The following CSMD1 variants were observed in gnomAD, a reference collection of about 807,000 sequenced individuals.
The protein encoded by CSMD1 is CUB and sushi domain-containing protein 1.
A neutral mutation model predicts 417.5 loss-of-function variants in CSMD1; 213 were observed. That is an observed-to-expected ratio of 0.51 (90% confidence interval 0.46 to 0.57). The LOEUF is 0.57. Among genes scored for constraint, CSMD1 ranks in the 20% least tolerant of loss-of-function variants. The pLI, the probability that CSMD1 is intolerant of heterozygous loss-of-function variation, is 0.00. For synonymous variants in CSMD1, 2,862 were observed against 1,736.8 expected (o/e 1.65, Z -16.11); for missense variants, 6,923 against 4,529.7 (o/e 1.53, Z -15.17).
chr8:3,079,607 G>C (rs182080934), intron 49 of CSMD1, among the ~76,000 whole-genome samples: 41 of 152,188 alleles, frequency 2.7e-4, no homozygotes, highest in Admixed American at 6.5e-4. Context: ...TTTATGCCAG[G>C]TCTCCTAACA....
At chr8:4,599,667 T>C (rs1431438974) in intron 2 of CSMD1, among the ~76,000 whole-genome samples, 18 of 152,188 alleles carry the variant, frequency 1.2e-4, no homozygotes, top group Non-Finnish European at 1.6e-4. Flanking sequence ...AGGAATGACA[T>C]GCAAACTATT....
intron 27 of CSMD1, among the ~76,000 whole-genome samples, chr8:3,227,795 TCTCA>T (rs1379904064): frequency 1.3e-5 from 2 of 150,026 alleles, no homozygotes; most frequent in East Asian, 2.0e-4. Flanking sequence ...TGAGACAGAG[TCTCA>T]CTCTGTTGCA....
intron 3 of CSMD1, among the ~76,000 whole-genome samples, chr8:4,247,116 A>G (rs1802762123): frequency 6.6e-6 from 1 of 152,190 alleles, no homozygotes; most frequent in Non-Finnish European, 1.5e-5. Context: ...ACGCCAATAA[A>G]AGGAAAGGAA....
intron 1 of CSMD1, among the ~76,000 whole-genome samples, chr8:4,848,225 A>G (rs1454189442): frequency 1.3e-5 from 2 of 152,188 alleles, no homozygotes; most frequent in African/African-American, 4.8e-5. Flanking sequence ...TCATCTAGTG[A>G]TAGACTATTG....
At chr8:2,955,151 A>G (rs1426518437) in intron 64 of CSMD1, among the ~76,000 whole-genome samples, 1 of 152,370 alleles carries the variant, frequency 6.6e-6, no homozygotes, top group East Asian at 1.9e-4. Context: ...GTTTTACCAC[A>G]AACAGCATGT....
Position 4,145,034 on chromosome 8 carries a change from C to T in CSMD1, c.416-112935G>A, listed in dbSNP as rs137888945. 6.9e-3 allele frequency among the ~76,000 whole-genome samples: 1,045 copies of T among 150,988 alleles called. 76 individuals are homozygous for T. The highest frequency in any genetic ancestry group is 0.024 in the African/African-American group (972 of 40,450). On this transcript the variant is annotated intron_variant, in intron 3 of 69. Coordinates refer to ENST00000635120, the MANE Select transcript of CSMD1 (RefSeq NM_033225.6). The stretch of plus-strand genomic sequence containing the variant: ...AAATAATAATTATCTTCTACTTTTC[C>T]GCTTTTAAAATATTTTTAAATGTTT...
At chr8:3,395,491 A>G (rs1288267384) in intron 17 of CSMD1, among the ~76,000 whole-genome samples, 2 of 152,234 alleles carry the variant, frequency 1.3e-5, no homozygotes, top group Non-Finnish European at 2.9e-5. Context: ...TAATACAATT[A>G]CTTAATCTCA....
chr8:3,896,170 C>G (rs1316864362), intron 5 of CSMD1, among the ~76,000 whole-genome samples: 1 of 152,140 alleles, frequency 6.6e-6, no homozygotes, highest in East Asian at 1.9e-4. Context: ...GATTAAGACA[C>G]AACAAAAACA....
At chr8:4,752,862 G>A (rs911998034) in intron 1 of CSMD1, among the ~76,000 whole-genome samples, 3 of 152,178 alleles carry the variant, frequency 2.0e-5, no homozygotes, top group Non-Finnish European at 2.9e-5. Flanking sequence ...GAACTAGGCA[G>A]ATCAGCATGT....
At chr8:3,827,397 C>A (rs1802116026) in intron 5 of CSMD1, among the ~76,000 whole-genome samples, 1 of 152,158 alleles carries the variant, frequency 6.6e-6, no homozygotes, top group South Asian at 2.1e-4. Flanking sequence ...ACTTAGATAT[C>A]AAATACCTAT....
intron 9 of CSMD1, among the ~76,000 whole-genome samples, chr8:3,575,517 A>G (rs1224674603): frequency 1.3e-5 from 2 of 152,200 alleles, no homozygotes; most frequent in African/African-American, 2.4e-5. Flanking sequence ...CATCTCAGCT[A>G]CGTCTTACAC....
At chr8:3,252,681 C>T (rs1211761326) in intron 26 of CSMD1, among the ~76,000 whole-genome samples, 2 of 152,086 alleles carry the variant, frequency 1.3e-5, no homozygotes, top group East Asian at 3.9e-4. Flanking sequence ...GCTGTGAATC[C>T]ATCTGGTCCT....
chr8:4,124,131 A>G (rs964255268), intron 3 of CSMD1, among the ~76,000 whole-genome samples: 1 of 152,196 alleles, frequency 6.6e-6, no homozygotes, highest in African/African-American at 2.4e-5. Context: ...CAAGAAGTCA[A>G]GTGATGAATG....
intron 3 of CSMD1, among the ~76,000 whole-genome samples, chr8:4,288,098 C>G (rs1422666536): frequency 2.0e-5 from 3 of 152,110 alleles, no homozygotes; most frequent in African/African-American, 7.2e-5. Flanking sequence ...CTTAGTTTTA[C>G]TTATTTTGCT....
chr8:3,682,951 A>C (rs190121411), intron 7 of CSMD1, among the ~76,000 whole-genome samples: 5 of 152,304 alleles, frequency 3.3e-5, no homozygotes, highest in Non-Finnish European at 5.9e-5. Flanking sequence ...CAAGGACCAA[A>C]AACCAAACAC....
chr8:4,832,845 G>A (rs527282266), intron 1 of CSMD1, among the ~76,000 whole-genome samples: 86 of 152,206 alleles, frequency 5.7e-4, no homozygotes, highest in African/African-American at 2.1e-3. Context: ...ATAAAAGCAG[G>A]TGCATGTGTG....
intron 5 of CSMD1, among the ~76,000 whole-genome samples, chr8:3,929,633 T>A (rs115426340): frequency 0.013 from 1,926 of 149,550 alleles, 142 homozygotes; most frequent in African/African-American, 0.045. Context: ...AAGAGTATAT[T>A]GTTTCAAAAC....
intron 3 of CSMD1, among the ~76,000 whole-genome samples, chr8:4,143,566 T>C (rs1047306854): frequency 2.0e-5 from 3 of 151,036 alleles, no homozygotes; most frequent in Non-Finnish European, 4.4e-5. Context: ...GGCTTAGATA[T>C]GACCCACAGT....
intron 12 of CSMD1, among the ~76,000 whole-genome samples, chr8:3,426,598 A>C (rs531023125): frequency 1.3e-5 from 2 of 152,120 alleles, no homozygotes; most frequent in South Asian, 4.1e-4. Flanking sequence ...TTTTTTATTT[A>C]TGTTTTTATT....
Sources: allele counts gnomAD v4.1 joint callset (sites outside exome capture counted in the v4.1 genomes callset), GRCh38; gene constraint gnomAD v4.1.1; transcripts MANE v1.5; gene names NCBI Gene and HGNC (gene_info 2026-07-23, HGNC 2026-07-21).